The following CCDC110 variants were observed in gnomAD, a reference collection of about 807,000 sequenced individuals.
CCDC110 encodes coiled-coil domain containing 110, also known as coiled-coil domain-containing protein 110.
CCDC110 carries 70 observed loss-of-function variants against 77.1 expected under a neutral mutation model. That is an observed-to-expected ratio of 0.91 (90% CI 0.75 to 1.11). The LOEUF is 1.11. Ranked by LOEUF, CCDC110 falls within the 50% of genes least tolerant of loss-of-function variation. CCDC110 has a pLI of 0.00. For missense variants in CCDC110, 868 were observed against 942.9 expected (o/e 0.92, Z 1.04); for synonymous variants, 295 against 312.5 (o/e 0.94, Z 0.59).
intron 2 of CCDC110, among the ~76,000 whole-genome samples, chr4:185,466,081 T>C (rs191956350): frequency 1.9e-4 from 29 of 152,300 alleles, no homozygotes; most frequent in Non-Finnish European, 4.1e-4. Context: ...GAACACATCA[T>C]TCAACATGGA....
At chr4:185,463,930 G>C (rs889493332) in intron 2 of CCDC110, among the ~76,000 whole-genome samples, 26 of 152,198 alleles carry the variant, frequency 1.7e-4, no homozygotes, top group African/African-American at 6.3e-4. Flanking sequence ...AGATACAGTA[G>C]ACAGAAGTAC....
chr4:185,457,574 G>A (rs1261152833), intron 6 of CCDC110, among the ~76,000 whole-genome samples: 1 of 152,156 alleles, frequency 6.6e-6, no homozygotes, highest in Non-Finnish European at 1.5e-5. Context: ...GCTAAAATAT[G>A]AGCTTACTAG....
At chr4:185,471,482 G>A (rs1290289213) in intron 1 of CCDC110, 192 bp downstream of exon 1, 14 of 578,786 alleles carry the variant, frequency 2.4e-5, no homozygotes, top group Admixed American at 2.3e-4. Flanking sequence ...TAGCCAGCCT[G>A]TAAGCCACAG....
chr4:185,460,321 T>C (rs2095643828), intron 5 of CCDC110, 83 bp from the exon 6 acceptor site: 1 of 994,978 alleles, frequency 1.0e-6, no homozygotes, highest in Non-Finnish European at 1.5e-6. Context: ...GTGGAGGGTT[T>C]ATTTATGTAC....
intron 6 of CCDC110, chr4:185,452,257 A>G: frequency 1.0e-6 from 1 of 985,454 alleles, no homozygotes; most frequent in Non-Finnish European, 1.2e-6. Flanking sequence ...TGATGCCTGT[A>G]TGACTTGGGT....
At chr4:185,467,791 C>G (rs2095658946) in intron 2 of CCDC110, among the ~76,000 whole-genome samples, 1 of 152,214 alleles carries the variant, frequency 6.6e-6, no homozygotes, top group African/African-American at 2.4e-5. Flanking sequence ...GGTAACGATT[C>G]TATATAAGAT....
intron 2 of CCDC110, among the ~76,000 whole-genome samples, chr4:185,465,428 A>AT (rs1452772219): frequency 2.0e-5 from 3 of 152,186 alleles, no homozygotes; most frequent in Non-Finnish European, 4.4e-5. Flanking sequence ...GTCTACATAT[A>AT]TTTTCCATCT....
Position 185,459,515 on chromosome 4 carries a change from T to A in CCDC110, c.1072A>T (p.Asn358Tyr), listed in dbSNP as rs767552339. 6.2e-7 allele frequency: 1 copy of A among 1,613,316 alleles called. No individual in the cohort carries two copies. The highest frequency in any genetic ancestry group is 1.1e-5 in the South Asian group (1 of 90,932). Residue 358 changes from asparagine to tyrosine, a missense_variant, in exon 6 of 7, where the codon AAT (asparagine) becomes TAT (tyrosine). Transcript: ENST00000307588. ...TTGCCAGTGATGGGAATTTCTTTAT[T>A]GTTTTTCTCATTTTTCTTTCCCCTG... Reference protein sequence around the residue: ...MHRGKKNEKNNKEIPITGKNI... With the variant: ...MHRGKKNEKNYKEIPITGKNI...
At chr4:185,471,546 G>A in intron 1 of CCDC110, 128 bp downstream of exon 1, 1 of 1,034,104 alleles carries the variant, frequency 9.7e-7, no homozygotes, top group Non-Finnish European at 1.4e-6. Context: ...CGGGAGATGT[G>A]CGGCGAGTGC....
At chr4:185,461,565 G>A (rs1200439571) in intron 4 of CCDC110, among the ~76,000 whole-genome samples, 1 of 152,154 alleles carries the variant, frequency 6.6e-6, no homozygotes, top group Non-Finnish European at 1.5e-5. Flanking sequence ...TAGTGAATAT[G>A]TGTGTGTTAC....
rs1420045244 is a variant in CCDC110 at position 185,453,882 on chromosome 4, C to T, written c.2461+4244G>A. ...AGGCTGGAGTGCAATGGTGTGATCT[C>T]GGCTCACTGCAACCTCTGCCTCCTG... On this transcript the variant is annotated intron_variant, in intron 6 of 6. Coordinates refer to ENST00000307588, the MANE Select transcript of CCDC110 (RefSeq NM_152775.4). 4.8e-5 allele frequency among the ~76,000 whole-genome samples: 7 copies of T among 147,172 alleles called. 1 individual carries two copies. Among genetic ancestry groups the T allele is most frequent in the African/African-American group, 1.0e-4 (4 of 39,582 alleles).
intron 2 of CCDC110, among the ~76,000 whole-genome samples, chr4:185,469,147 A>C (rs2095661317): frequency 6.6e-6 from 1 of 152,252 alleles, no homozygotes; most frequent in East Asian, 1.9e-4. Context: ...ACCTGGCAGT[A>C]GTTATGCAAA....
chr4:185,458,189 C>T lies in CCDC110; in HGVS notation c.2398G>A (p.Asp800Asn). 6.2e-7 allele frequency: 1 copy of T among 1,604,604 alleles called. No individual in the cohort carries two copies. Among genetic ancestry groups the T allele is most frequent in the Non-Finnish European group, 8.5e-7 (1 of 1,177,650 alleles). Reference protein sequence around the residue: ...YISRREKFHFDNYTHEDTSSP... With the variant: ...YISRREKFHFNNYTHEDTSSP... Reference sequence around the variant, plus strand: ...GAAGTATCTTCGTGAGTATAGTTGTCAAAATGGAATTTCTCTCTTCTTGAA... The same window carrying T: ...GAAGTATCTTCGTGAGTATAGTTGTTAAAATGGAATTTCTCTCTTCTTGAA... Residue 800 changes from aspartate (D) to asparagine (N), a missense_variant, in exon 6 of 7, where the codon GAC becomes AAC. Asp to Asn is a conservative substitution (Grantham distance 23). Transcript: ENST00000307588.
In CCDC110 at chr4:185,458,601, A is replaced by C; in HGVS notation, c.1986T>G (p.Ile662Met). 6.2e-7 allele frequency: 1 copy of C among 1,608,006 alleles called. No individual in the cohort carries two copies. Among genetic ancestry groups the C allele is most frequent in the Non-Finnish European group, 8.5e-7 (1 of 1,179,652 alleles). ...TAARQIMEREIENIQTYQSTA... is the reference protein window; with the variant it reads ...TAARQIMEREMENIQTYQSTA... ...TAGATTGGTAGGTTTGAATATTCTC[A>C]ATTTCTCTTTCCATAATTTGTCTGG... Residue 662 changes from isoleucine to methionine, a missense_variant, in exon 6 of 7, where the codon ATT (isoleucine) becomes ATG (methionine). Coordinates refer to ENST00000307588, the MANE Select transcript of CCDC110 (RefSeq NM_152775.4).
At chr4:185,462,556 T>A (rs1478131256) in intron 4 of CCDC110, 87 bp downstream of exon 4, 3 of 995,176 alleles carry the variant, frequency 3.0e-6, no homozygotes, top group Admixed American at 3.5e-5. Flanking sequence ...CTGTGTCAGC[T>A]AATCCATTGG....
At chr4:185,467,210 G>A (rs1309379477) in intron 2 of CCDC110, among the ~76,000 whole-genome samples, 1 of 152,230 alleles carries the variant, frequency 6.6e-6, no homozygotes, top group Non-Finnish European at 1.5e-5. Flanking sequence ...AAAAGTGAGT[G>A]TTTTTCTCCA....
rs117531153 is a variant in CCDC110, at chr4:185,466,833, G to A, written c.116-3784C>T. ...AGAAAGGGAGAAAAGCAATAATTCC[G>A]GACAATGAGGGAGGCTAATTGCAGA... On this transcript the variant is annotated intron_variant, in intron 2 of 6. Transcript: ENST00000307588. Among the ~76,000 whole-genome samples the A allele has an allele frequency of 2.6e-4, 40 of 152,136 alleles. 1 individual carries two copies. In the East Asian group the frequency reaches 7.0e-3, roughly 26 times the overall value.
intron 6 of CCDC110, chr4:185,449,764 C>A: frequency 5.1e-6 from 3 of 583,678 alleles, no homozygotes; most frequent in Non-Finnish European, 8.8e-6. Context: ...AAAAGAAATT[C>A]TGCAACTCTA....
intron 2 of CCDC110, 73 bp from the exon 3 acceptor site, chr4:185,463,122 A>G: frequency 8.6e-7 from 1 of 1,162,160 alleles, no homozygotes; most frequent in Non-Finnish European, 1.3e-6. Flanking sequence ...AATAGAAAGC[A>G]GTCTCCTAAC....
Sources: allele counts gnomAD v4.1 joint callset (sites outside exome capture counted in the v4.1 genomes callset), GRCh38; gene constraint gnomAD v4.1.1; transcripts MANE v1.5; gene names NCBI Gene and HGNC (gene_info 2026-07-23, HGNC 2026-07-21).